The following GTPBP10 variants were observed in gnomAD, a reference collection of about 807,000 sequenced individuals.
The protein encoded by GTPBP10 is GTP binding protein 10, also known as GTP-binding protein 10.
GTPBP10 carries 38 observed loss-of-function variants against 44.8 expected under a neutral mutation model. That is an observed-to-expected ratio of 0.85 (90% CI 0.65 to 1.11). The LOEUF (loss-of-function observed/expected upper bound fraction) is 1.11, where lower values mean the gene tolerates loss of function less well. Ranked by LOEUF, GTPBP10 falls within the 50% of genes most tolerant of loss-of-function variation. The pLI is 0.00. For missense variants in GTPBP10, 462 were observed against 453.7 expected, an observed-to-expected ratio of 1.02 and a Z score of -0.17; for synonymous variants, 152 against 150.6, an observed-to-expected ratio of 1.01 and a Z score of -0.07.
In GTPBP10 at chr7:90,369,712, G is replaced by C. The variant is rs1796218595; in HGVS notation, c.465-2443G>C. The stretch of plus-strand genomic sequence containing the variant: ...TAGGCAGGAGTGTACCACTCCTCCA[G>C]GTACAGACTGTCACGACTTCCCTTG... On this transcript the variant is annotated intron_variant, in intron 4 of 9. Coordinates refer to ENST00000222511, the MANE Select transcript of GTPBP10 (RefSeq NM_033107.4). Among the ~76,000 whole-genome samples, 3 of 152,160 alleles carry C rather than the reference G, an allele frequency of 2.0e-5. No individual in the cohort carries two copies. In the South Asian group the frequency reaches 6.2e-4, roughly 31 times the overall value.
chr7:90,365,267 G>A (rs9969209), intron 4 of GTPBP10, among the ~76,000 whole-genome samples: 10,962 of 151,886 alleles, frequency 0.072, 1,013 homozygotes, highest in East Asian at 0.2. Flanking sequence ...GGCCATCTTG[G>A]AACCCCACCC....
chr7:90,362,247 C>T (rs1198787738), intron 4 of GTPBP10, among the ~76,000 whole-genome samples: 1 of 152,056 alleles, frequency 6.6e-6, no homozygotes. Context: ...TTAGATCTTT[C>T]CTGCTTTCTC....
chr7:90,350,007 G>C (rs1047238329), intron 1 of GTPBP10, among the ~76,000 whole-genome samples: 1 of 151,818 alleles, frequency 6.6e-6, no homozygotes, highest in Non-Finnish European at 1.5e-5. Flanking sequence ...GTGCCATGTT[G>C]GTTTGCTGCA....
intron 6 of GTPBP10, among the ~76,000 whole-genome samples, chr7:90,375,837 C>T (rs567996625): frequency 2.0e-5 from 3 of 151,894 alleles, no homozygotes; most frequent in Admixed American, 6.6e-5. Context: ...GATGCTTAGG[C>T]CCCAGAGATT....
Position 90,387,546 on chromosome 7 carries a change from T to C in GTPBP10, c.*2392T>C, listed in dbSNP as rs1796545381. On this transcript the variant is annotated 3_prime_UTR_variant, in exon 10 of 10. Coordinates refer to ENST00000222511, the MANE Select transcript of GTPBP10 (RefSeq NM_033107.4). ...GATGTTTTCCCAGTATTATTTCAATTATATTTGTTTTATTTTCTGTTCCTC... is the reference window on the plus strand; with the variant it reads ...GATGTTTTCCCAGTATTATTTCAATCATATTTGTTTTATTTTCTGTTCCTC... 1.3e-5 allele frequency: 2 copies of C among 152,188 alleles called. No homozygotes were observed. Among genetic ancestry groups the C allele is most frequent in the Admixed American group, 1.3e-4 (2 of 15,284 alleles). 9.4% of individuals were successfully genotyped at this position (152,188 alleles called of 1,614,324 possible).
intron 5 of GTPBP10, among the ~76,000 whole-genome samples, chr7:90,372,884 G>A (rs1216914563): frequency 6.6e-6 from 1 of 152,132 alleles, no homozygotes; most frequent in Non-Finnish European, 1.5e-5. Context: ...GTTTTGACTT[G>A]TATTGAGTTT....
chr7:90,365,831 C>G (rs1037789662), intron 4 of GTPBP10, among the ~76,000 whole-genome samples: 12 of 152,208 alleles, frequency 7.9e-5, no homozygotes, highest in African/African-American at 2.7e-4. Flanking sequence ...GAGGGCATCC[C>G]TGTCTTGTGC....
intron 8 of GTPBP10, among the ~76,000 whole-genome samples, chr7:90,379,668 C>G (rs1399661483): frequency 2.0e-5 from 3 of 152,156 alleles, no homozygotes; most frequent in African/African-American, 7.2e-5. Flanking sequence ...TTTCATTTCT[C>G]TTGGATGTAT....
intron 4 of GTPBP10, among the ~76,000 whole-genome samples, chr7:90,359,095 C>G (rs997371560): frequency 7.2e-5 from 11 of 151,822 alleles, no homozygotes; most frequent in African/African-American, 2.7e-4. Flanking sequence ...ACAATACGTG[C>G]TGACATAGAT....
At chr7:90,361,000 T>C (rs1796008498) in intron 4 of GTPBP10, among the ~76,000 whole-genome samples, 1 of 152,236 alleles carries the variant, frequency 6.6e-6, no homozygotes, top group Admixed American at 6.5e-5. Flanking sequence ...TCCTGAGACT[T>C]TGCTGAAGTT....
chr7:90,362,160 C>G (rs1254636149), intron 4 of GTPBP10, among the ~76,000 whole-genome samples: 1 of 151,738 alleles, frequency 6.6e-6, no homozygotes, highest in African/African-American at 2.4e-5. Flanking sequence ...TTAGTTATTT[C>G]TTGCTTTCTG....
rs1246745441 is a variant in GTPBP10, at chr7:90,352,744, G to A, written c.34-72G>A. 3.4e-6 allele frequency: 4 copies of A among 1,178,608 alleles called. 1 individual carries two copies. Among genetic ancestry groups the A allele is most frequent in the African/African-American group, 3.1e-5 (2 of 64,360 alleles). The allele number at this position is 1,178,608 out of a possible 1,614,324, so 73.0% of individuals were successfully genotyped here. A position where few individuals can be genotyped will look rare whatever the true frequency, so the allele number is the denominator to read the frequency against. On this transcript the variant is annotated intron_variant, in intron 1 of 9. Coordinates refer to ENST00000222511, the MANE Select transcript of GTPBP10 (RefSeq NM_033107.4). ...TTTTTTAGAAGAAGTTTTAGTGGAAGAAAGAACTAGAAAAAGGTTCTAAGG... is the reference window on the plus strand; with the variant it reads ...TTTTTTAGAAGAAGTTTTAGTGGAAAAAAGAACTAGAAAAAGGTTCTAAGG...
chr7:90,347,270 A>T (rs1795695757), intron 1 of GTPBP10, among the ~76,000 whole-genome samples: 1 of 152,068 alleles, frequency 6.6e-6, no homozygotes, highest in Admixed American at 6.6e-5. Context: ...AACTGCTTTG[A>T]ATTTTTATTT....
chr7:90,385,153 A>C lies in GTPBP10; in HGVS notation c.1163A>C (p.Ter388SerextTer3). ...AVTTSKMDII[*>S] is the part of the protein sequence containing the mutation. ...ACTACTTCCAAAATGGATATAATTT[A>C]AATATATTAAAAATGGTATTGATGG... The change falls in exon 10 of 10, where the codon TAA becomes TCA. Residue 388 changes from the stop codon to serine (S), a stop_lost. Transcript: ENST00000222511. 6.3e-7 allele frequency: 1 copy of C among 1,582,884 alleles called. No individual in the cohort carries two copies. The highest frequency in any genetic ancestry group is 8.6e-7 in the Non-Finnish European group (1 of 1,161,864).
intron 4 of GTPBP10, among the ~76,000 whole-genome samples, chr7:90,361,777 G>A (rs897803032): frequency 5.3e-5 from 8 of 152,066 alleles, no homozygotes; most frequent in Non-Finnish European, 1.0e-4. Context: ...TTTTTGGTTG[G>A]TAGGCTATTA....
At chr7:90,360,857 T>A (rs936188352) in intron 4 of GTPBP10, among the ~76,000 whole-genome samples, 9 of 152,180 alleles carry the variant, frequency 5.9e-5, no homozygotes, top group Admixed American at 1.3e-4. Context: ...TTCACATCCC[T>A]TGTAAGTTGG....
rs1796544432 is a variant in GTPBP10, at chr7:90,387,484, C to T, written c.*2330C>T. The T allele has an allele frequency of 6.6e-6, 1 of 152,036 alleles. No individual in the cohort carries two copies. The highest frequency in any genetic ancestry group is 2.4e-5 in the African/African-American group (1 of 41,418). The allele number at this position is 152,036 out of a possible 1,614,324, so 9.4% of individuals were successfully genotyped here. A position where few individuals can be genotyped will look rare whatever the true frequency, so the allele number is the denominator to read the frequency against. ...TATTAAAGAAAAATAATGCATTGTT[C>T]TCAGCTTAAATTTTTTTCTGATTTG... is the stretch of plus-strand genomic sequence containing the variant. On this transcript the variant is annotated 3_prime_UTR_variant, in exon 10 of 10. Coordinates refer to ENST00000222511, the MANE Select transcript of GTPBP10 (RefSeq NM_033107.4).
Position 90,378,540 on chromosome 7 carries a change from T to TA in GTPBP10, c.777+330dup, listed in dbSNP as rs144148359. 6.7e-3 allele frequency among the ~76,000 whole-genome samples: 1,021 copies of TA among 152,306 alleles called. 6 individuals carry two copies. Among genetic ancestry groups the TA allele is most frequent in the Non-Finnish European group, 0.011 (773 of 68,022 alleles). On this transcript the variant is annotated intron_variant, in intron 8 of 9. Transcript: ENST00000222511. ...AATCTTCTGGTTCTATTTCTACTCT[T>TA]ACACTATTTCTCCGTCTACTTTTTA... is the stretch of plus-strand genomic sequence containing the variant.
intron 8 of GTPBP10, chr7:90,378,456 T>G (rs544122494): frequency 6.2e-6 from 1 of 161,772 alleles, no homozygotes; most frequent in East Asian, 1.9e-4. Context: ...TTTATCTTGC[T>G]TCAGCTTTGG....
Sources: allele counts gnomAD v4.1 joint callset (sites outside exome capture counted in the v4.1 genomes callset), GRCh38; gene constraint gnomAD v4.1.1; transcripts MANE v1.5; gene names NCBI Gene and HGNC (gene_info 2026-07-23, HGNC 2026-07-21).